NEGR1: variants seen among roughly 807,000 people sequenced by gnomAD.
NEGR1 encodes IgLON family member 4.
Under a neutral mutation model 40.9 loss-of-function variants are expected in NEGR1, and 10 were observed. The ratio of observed to expected loss-of-function variants is 0.24; its 90% CI spans 0.15 to 0.42. The LOEUF is 0.42. NEGR1 is among the 10% of genes least tolerant of loss of function. The pLI, the probability that NEGR1 is intolerant of heterozygous loss-of-function variation, is 1.00. For missense variants in NEGR1, 352 were observed against 438.9 expected (o/e 0.80, Z 1.77); for synonymous variants, 185 against 166.8 (o/e 1.11, Z -0.84).
chr1:71,725,803 T>C (rs1029211960), intron 3 of NEGR1, among the ~76,000 whole-genome samples: 1 of 152,080 alleles, frequency 6.6e-6, no homozygotes. Flanking sequence ...TTCTAGTTTT[T>C]ATTTTGAAAT....
rs957596617 is a variant in NEGR1, at chr1:71,403,537, C to A, written c.*3909G>T. On this transcript the variant is annotated 3_prime_UTR_variant, in exon 7 of 7. Transcript: ENST00000357731. Reference sequence around the variant, plus strand: ...TCAGCTCATCAAACCTTTTAGGAATCAGCAACAGCAAGAAAGAATATAGTG... The same window carrying A: ...TCAGCTCATCAAACCTTTTAGGAATAAGCAACAGCAAGAAAGAATATAGTG... The A allele has an allele frequency of 2.0e-5, 4 of 195,612 alleles. No individual in the cohort carries two copies. Among genetic ancestry groups the A allele is most frequent in the South Asian group, 1.9e-4 (1 of 5,192 alleles). The allele number at this position is 195,612 out of a possible 1,614,324, so 12.1% of individuals were successfully genotyped here.
At chr1:71,781,371 A>C (rs1337551917) in intron 2 of NEGR1, among the ~76,000 whole-genome samples, 1 of 152,148 alleles carries the variant, frequency 6.6e-6, no homozygotes, top group Non-Finnish European at 1.5e-5. Context: ...GATATTAAAA[A>C]CCCTTACAGG....
intron 1 of NEGR1, among the ~76,000 whole-genome samples, chr1:72,244,008 G>A (rs1326197203): frequency 1.3e-5 from 2 of 151,744 alleles, no homozygotes; most frequent in Non-Finnish European, 3.0e-5. Flanking sequence ...TCTAAGTATA[G>A]CATCTTAATC....
At chr1:72,152,590 A>G (rs1651164990) in intron 1 of NEGR1, among the ~76,000 whole-genome samples, 1 of 151,984 alleles carries the variant, frequency 6.6e-6, no homozygotes, top group South Asian at 2.1e-4. Context: ...AGAACTTAAA[A>G]CAGAGCTACC....
chr1:72,181,751 C>T (rs1652379495), intron 1 of NEGR1, among the ~76,000 whole-genome samples: 1 of 151,912 alleles, frequency 6.6e-6, no homozygotes, highest in Non-Finnish European at 1.5e-5. Context: ...ATGGATGAAC[C>T]CAGAGGACAT....
At chr1:71,660,412 C>T (rs996293845) in intron 4 of NEGR1, among the ~76,000 whole-genome samples, 1 of 152,008 alleles carries the variant, frequency 6.6e-6, no homozygotes, top group African/African-American at 2.4e-5. Context: ...ATCATATGTA[C>T]AACAAGCCCC....
chr1:71,873,172 T>C (rs1291158443), intron 2 of NEGR1, among the ~76,000 whole-genome samples: 1 of 150,312 alleles, frequency 6.7e-6, no homozygotes, highest in African/African-American at 2.4e-5. Context: ...TTTTGTTTGA[T>C]TCTAATAGAA....
chr1:71,864,490 G>T lies in NEGR1; in HGVS notation c.409+70589C>A, dbSNP rs941105177. ...CAAGAAAATAAATTTCTCTGTAAAA[G>T]AATTGTGACTAAAGTAATTTTTCCT... On this transcript the variant is annotated intron_variant, in intron 2 of 6. Transcript: ENST00000357731. 5.3e-5 allele frequency among the ~76,000 whole-genome samples: 8 copies of T among 152,236 alleles called. 1 individual carries two copies. In the South Asian group the frequency reaches 1.7e-3, roughly 32 times the overall value.
intron 3 of NEGR1, among the ~76,000 whole-genome samples, chr1:71,738,915 A>AGTTTAAAT (rs1156662856): frequency 6.6e-6 from 1 of 152,124 alleles, no homozygotes; most frequent in East Asian, 1.9e-4. Flanking sequence ...GCATGAGTTC[A>AGTTTAAAT]TTGTTTCCTT....
chr1:71,684,138 T>G (rs549732579), intron 4 of NEGR1, among the ~76,000 whole-genome samples: 1 of 151,752 alleles, frequency 6.6e-6, no homozygotes, highest in African/African-American at 2.4e-5. Flanking sequence ...GGCGTGGTGG[T>G]GGGCGCCTGT....
At chr1:72,096,093 T>C (rs560689309) in intron 1 of NEGR1, among the ~76,000 whole-genome samples, 2 of 152,250 alleles carry the variant, frequency 1.3e-5, no homozygotes, top group Non-Finnish European at 2.9e-5. Flanking sequence ...TGTGGACACA[T>C]TTTTTTATAC....
At chr1:72,201,079 A>G (rs961719147) in intron 1 of NEGR1, among the ~76,000 whole-genome samples, 14 of 151,646 alleles carry the variant, frequency 9.2e-5, no homozygotes, top group African/African-American at 2.9e-4. Flanking sequence ...AATCTCTCTC[A>G]TTTACTCCAA....
At chr1:71,903,143 C>G (rs1661185138) in intron 2 of NEGR1, among the ~76,000 whole-genome samples, 1 of 151,894 alleles carries the variant, frequency 6.6e-6, no homozygotes, top group South Asian at 2.1e-4. Context: ...ATTAAAATCA[C>G]AAAAATTACC....
At chr1:71,576,342 G>C (rs373704639) in intron 6 of NEGR1, among the ~76,000 whole-genome samples, 15 of 152,168 alleles carry the variant, frequency 9.9e-5, no homozygotes, top group Admixed American at 8.5e-4. Flanking sequence ...GTATTTTGGG[G>C]TTGCGTATGA....
chr1:71,813,933 T>C (rs1458025605), intron 2 of NEGR1, among the ~76,000 whole-genome samples: 1 of 152,128 alleles, frequency 6.6e-6, no homozygotes, highest in Admixed American at 6.6e-5. Context: ...TTCTTTCTCT[T>C]GCCTGATTGC....
At chr1:71,757,611 C>G (rs778619421) in intron 3 of NEGR1, among the ~76,000 whole-genome samples, 3 of 151,946 alleles carry the variant, frequency 2.0e-5, no homozygotes, top group Non-Finnish European at 4.4e-5. Flanking sequence ...ATAAAACATT[C>G]TCTTAAAAAA....
chr1:71,739,206 AAAAAAAAAAAAC>A, intron 3 of NEGR1, among the ~76,000 whole-genome samples: 1 of 150,570 alleles, frequency 6.6e-6, no homozygotes, highest in African/African-American at 2.5e-5. Context: ...GCAGAAAAAA[AAAAAAAAAAAAC>A]AAAAAAAAAA....
intron 2 of NEGR1, among the ~76,000 whole-genome samples, chr1:71,918,256 A>AAAAAAG (rs1661659421): frequency 7.6e-6 from 1 of 131,020 alleles, no homozygotes; most frequent in Admixed American, 7.9e-5. Context: ...AAAAAAAAAA[A>AAAAAAG]GAAGAAGAAG....
At chr1:71,655,225 T>C (rs2101585729) in intron 4 of NEGR1, among the ~76,000 whole-genome samples, 1 of 152,318 alleles carries the variant, frequency 6.6e-6, no homozygotes, top group African/African-American at 2.4e-5. Context: ...ATTTGTGTTC[T>C]GAACCATTAA....
Sources: allele counts gnomAD v4.1 joint callset (sites outside exome capture counted in the v4.1 genomes callset), GRCh38; gene constraint gnomAD v4.1.1; transcripts MANE v1.5; gene names NCBI Gene and HGNC (gene_info 2026-07-23, HGNC 2026-07-21).